The following COL5A2 variants were observed in gnomAD, a reference collection of about 807,000 sequenced individuals.
COL5A2 encodes the protein collagen type V alpha 2 chain, also known as collagen alpha-2(V) chain.
Under a neutral mutation model 208.2 loss-of-function variants are expected in COL5A2, and 23 were observed. That is an observed-to-expected ratio of 0.11 (90% confidence interval 0.08 to 0.16). The LOEUF (loss-of-function observed/expected upper bound fraction) is 0.16. Ranked by LOEUF, COL5A2 falls within the 10% of genes least tolerant of loss-of-function variation. COL5A2 has a pLI of 1.00. For synonymous variants in COL5A2, 625 were observed against 628.5 expected, an observed-to-expected ratio of 0.99 and a Z score of 0.08; for missense variants, 1,590 against 1,956.4, an observed-to-expected ratio of 0.81 and a Z score of 3.53.
chr2:189,435,484 AAAAC>A, the COL5A2 span, among the ~76,000 whole-genome samples: 1 of 152,190 alleles, frequency 6.6e-6, no homozygotes, highest in South Asian at 2.1e-4. Context: ...TTACAAGAAA[AAAAC>A]AAACAACCCC....
the COL5A2 span, among the ~76,000 whole-genome samples, chr2:189,389,774 G>A: frequency 4.6e-5 from 7 of 152,058 alleles, no homozygotes; most frequent in South Asian, 1.5e-3. Flanking sequence ...GATCATTAAT[G>A]GAAACAAATG....
At chr2:189,362,017 C>A in the COL5A2 span, among the ~76,000 whole-genome samples, 1 of 151,984 alleles carries the variant, frequency 6.6e-6, no homozygotes, top group African/African-American at 2.4e-5. Context: ...GCCTTTTATT[C>A]TTTATACTTA....
intron 1 of COL5A2, among the ~76,000 whole-genome samples, chr2:189,153,600 G>T (rs1021733255): frequency 1.3e-5 from 2 of 152,118 alleles, no homozygotes; most frequent in Non-Finnish European, 2.9e-5. Flanking sequence ...GGTGCACAGG[G>T]GTGATAAGCT....
chr2:189,324,322 A>C, the COL5A2 span, among the ~76,000 whole-genome samples: 2 of 152,332 alleles, frequency 1.3e-5, no homozygotes, highest in East Asian at 1.9e-4. Context: ...AATGGGATCT[A>C]ATTAAACTAA....
chr2:189,304,381 A>G, the COL5A2 span, among the ~76,000 whole-genome samples: 1 of 152,216 alleles, frequency 6.6e-6, no homozygotes, highest in African/African-American at 2.4e-5. Context: ...GCATTGCTAT[A>G]AAGAAATACC....
the COL5A2 span, among the ~76,000 whole-genome samples, chr2:189,246,124 C>A: frequency 1.3e-5 from 2 of 152,040 alleles, no homozygotes; most frequent in Admixed American, 1.3e-4. Context: ...ATATTTCAAC[C>A]TTCCTAGAAA....
At position 189,043,245 on chromosome 2, in the gene COL5A2, G is replaced by T; in HGVS notation, c.3377C>A (p.Pro1126His). 6.2e-7 allele frequency: 1 copy of T among 1,612,138 alleles called. No homozygotes were observed. Among genetic ancestry groups the T allele is most frequent in the Non-Finnish European group, 8.5e-7 (1 of 1,178,454 alleles). ...TCCATGATCACCTTTGTCACCACGAGGTCCTTGGGGTCCCTAGAAATAGAG... is the reference window on the plus strand; with the variant it reads ...TCCATGATCACCTTTGTCACCACGATGTCCTTGGGGTCCCTAGAAATAGAG... The part of the protein sequence containing the change: ...GKRGLPGPQG[P>H]RGDKGDHGDR... The change falls in exon 48 of 54, where the codon CCT (proline) becomes CAT (histidine). Residue 1126 changes from proline to histidine, a missense_variant. Coordinates refer to ENST00000374866, the MANE Select transcript of COL5A2 (RefSeq NM_000393.5).
the COL5A2 span, among the ~76,000 whole-genome samples, chr2:189,414,666 T>C: frequency 6.6e-6 from 1 of 150,422 alleles, no homozygotes; most frequent in Non-Finnish European, 1.5e-5. Flanking sequence ...TGAGAATGGC[T>C]TGAGCCCGGG....
the COL5A2 span, among the ~76,000 whole-genome samples, chr2:189,261,273 T>C: frequency 5.3e-5 from 8 of 152,302 alleles, no homozygotes; most frequent in African/African-American, 1.9e-4. Context: ...CTAATTGAAA[T>C]TATATTTTTA....
At chr2:189,360,742 G>A in the COL5A2 span, among the ~76,000 whole-genome samples, 2 of 151,996 alleles carry the variant, frequency 1.3e-5, no homozygotes, top group Non-Finnish European at 1.5e-5. Flanking sequence ...ACCCACATGC[G>A]TTAGCTATTT....
At chr2:189,278,331 T>C in the COL5A2 span, among the ~76,000 whole-genome samples, 4 of 152,112 alleles carry the variant, frequency 2.6e-5, no homozygotes, top group African/African-American at 2.4e-5. Context: ...TTTCATCTTA[T>C]TGGTTTTTAT....
At chr2:189,154,120 C>T (rs1688198984) in intron 1 of COL5A2, among the ~76,000 whole-genome samples, 1 of 152,096 alleles carries the variant, frequency 6.6e-6, no homozygotes, top group Non-Finnish European at 1.5e-5. Context: ...AAGGCACACA[C>T]ACATACACAC....
At position 189,173,513 on chromosome 2, in the gene COL5A2, A is replaced by G. The variant is rs1286736300; in HGVS notation, c.97+5995T>C. 2.0e-5 allele frequency among the ~76,000 whole-genome samples: 3 copies of G among 152,190 alleles called. No individual in the cohort carries two copies. In the East Asian group the frequency reaches 5.8e-4, roughly 29 times the overall value. Reference sequence around the variant, plus strand: ...GAGTACTTCCCATGCAAATGCCAAGAGTAAATAGTCTTTTAAATATTGAAT... The same window carrying G: ...GAGTACTTCCCATGCAAATGCCAAGGGTAAATAGTCTTTTAAATATTGAAT... On this transcript the variant is annotated intron_variant, in intron 1 of 53. Coordinates refer to ENST00000374866, the MANE Select transcript of COL5A2 (RefSeq NM_000393.5).
chr2:189,070,578 G>C (rs1686252513), intron 18 of COL5A2, among the ~76,000 whole-genome samples: 1 of 152,196 alleles, frequency 6.6e-6, no homozygotes, highest in South Asian at 2.1e-4. Flanking sequence ...CCCAGGAGGA[G>C]AGAGAAGTAA....
At chr2:189,380,748 C>T in the COL5A2 span, among the ~76,000 whole-genome samples, 1 of 151,922 alleles carries the variant, frequency 6.6e-6, no homozygotes, top group African/African-American at 2.4e-5. Context: ...TCAGACATCA[C>T]ACCAACAATC....
chr2:189,075,147 T>C (rs1334867307), intron 17 of COL5A2, among the ~76,000 whole-genome samples: 1 of 152,202 alleles, frequency 6.6e-6, no homozygotes, highest in Non-Finnish European at 1.5e-5. Flanking sequence ...TTTCAGGACT[T>C]GGCTTGAAAG....
At chr2:189,134,516 A>T (rs1687789314) in intron 1 of COL5A2, among the ~76,000 whole-genome samples, 1 of 152,086 alleles carries the variant, frequency 6.6e-6, no homozygotes, top group Non-Finnish European at 1.5e-5. Context: ...TTGAACTCGG[A>T]TGGCGGAGGT....
At chr2:189,273,261 T>G in the COL5A2 span, among the ~76,000 whole-genome samples, 10 of 152,218 alleles carry the variant, frequency 6.6e-5, no homozygotes, top group African/African-American at 2.4e-4. Flanking sequence ...CCACTTGATT[T>G]TTCTGGGCAT....
chr2:189,345,750 T>C, the COL5A2 span, among the ~76,000 whole-genome samples: 2 of 152,274 alleles, frequency 1.3e-5, no homozygotes, highest in East Asian at 1.9e-4. Context: ...AACCAGATTG[T>C]AGAGGTTAAA....
Sources: allele counts gnomAD v4.1 joint callset (sites outside exome capture counted in the v4.1 genomes callset), GRCh38; gene constraint gnomAD v4.1.1; transcripts MANE v1.5; gene names NCBI Gene and HGNC (gene_info 2026-07-23, HGNC 2026-07-21).